NAT1: variants seen among roughly 807,000 people sequenced by gnomAD.
The protein encoded by NAT1 is arylamine N-acetyltransferase 1.
For synonymous variants in NAT1, 144 were observed against 122.6 expected (o/e 1.17, Z -1.16); for missense variants, 400 against 339.2 (o/e 1.18, Z -1.41).
rs1306084243 is a variant in NAT1 at position 18,192,137 on chromosome 8, T to G, written n.93-17644T>G. On this transcript the variant is annotated intron_variant and non_coding_transcript_variant, in intron 2 of 4. Transcript: ENST00000517441. ...GAATCTACAATGAACTCAAACAAAT[T>G]TACAAGAAAAAAACAAACAACCCCA... 2.0e-5 allele frequency among the ~76,000 whole-genome samples: 3 copies of G among 150,954 alleles called. No individual in the cohort carries two copies. The East Asian group carries it at 5.8e-4, about 29-fold the overall frequency.
At chr8:18,207,473 G>C (rs1032426802), upstream of NAT1, among the ~76,000 whole-genome samples, 1 of 152,066 alleles carries the variant, frequency 6.6e-6, no homozygotes, top group Non-Finnish European at 1.5e-5. Context: ...AATTACTTTG[G>C]GCAGTATGGC....
Position 18,222,906 on chromosome 8 carries a change from T to G in NAT1, c.859T>G (p.Phe287Val), listed in dbSNP as rs759361275. ...GCTTGTGCCCAAACATGGTGATAGA[T>G]TTTTTACTATTTAGAATAAGGAGTA... ...RKLVPKHGDR[F>V]FTI is the part of the protein sequence containing the mutation. The change falls in exon 3 of 3, where the codon TTT becomes GTT. Residue 287 changes from phenylalanine (F) to valine (V), a missense_variant. Physicochemically the swap from Phe to Val is conservative, Grantham distance 50. Coordinates refer to ENST00000307719, the MANE Select transcript of NAT1 (RefSeq NM_000662.8). 1.5e-5 allele frequency: 24 copies of G among 1,551,772 alleles called. No homozygotes were observed. Among genetic ancestry groups the G allele is most frequent in the Admixed American group, 2.1e-5 (1 of 48,038 alleles).
At chr8:18,178,071 C>T (rs1302535036) in intron 2 of NAT1, among the ~76,000 whole-genome samples, 1 of 152,064 alleles carries the variant, frequency 6.6e-6, no homozygotes, top group Non-Finnish European at 1.5e-5. Context: ...TATTAGGTCA[C>T]ATGATTGGAG....
chr8:18,176,274 A>G (rs1168444696), intron 2 of NAT1, among the ~76,000 whole-genome samples: 1 of 152,056 alleles, frequency 6.6e-6, no homozygotes, highest in Non-Finnish European at 1.5e-5. Context: ...TGTCCAAGAA[A>G]TCTTGCCCAC....
At chr8:18,170,772 G>T (rs1365686161) in intron 2 of NAT1, 3 of 152,154 alleles carry the variant, frequency 2.0e-5, no homozygotes, top group Admixed American at 2.0e-4. Context: ...TGAGCCCAGG[G>T]ATCTCTTTTC....
chr8:18,173,120 G>C (rs1802158843), intron 2 of NAT1, among the ~76,000 whole-genome samples: 1 of 150,324 alleles, frequency 6.7e-6, no homozygotes, highest in African/African-American at 2.5e-5. Context: ...GCTGTGACCT[G>C]TTAGAGCACA....
intron 2 of NAT1, among the ~76,000 whole-genome samples, chr8:18,190,668 G>A (rs1323643835): frequency 6.6e-6 from 1 of 152,172 alleles, no homozygotes; most frequent in Non-Finnish European, 1.5e-5. Flanking sequence ...ACTGATGCAG[G>A]AGGCCAGTTT....
At chr8:18,221,297 T>C (rs77167559) in intron 2 of NAT1, among the ~76,000 whole-genome samples, 1 of 139,564 alleles carries the variant, frequency 7.2e-6, no homozygotes, top group Admixed American at 7.0e-5. Context: ...TTAGCGAGTG[T>C]TTTTTTTTTG....
chr8:18,207,092 C>A (rs1803756454), upstream of NAT1, among the ~76,000 whole-genome samples: 1 of 152,270 alleles, frequency 6.6e-6, no homozygotes. Flanking sequence ...CTGTGTATGG[C>A]TAGCCAGTTC....
chr8:18,190,312 G>A (rs145810612), intron 2 of NAT1, among the ~76,000 whole-genome samples: 1 of 152,186 alleles, frequency 6.6e-6, no homozygotes, highest in Non-Finnish European at 1.5e-5. Context: ...TCCTTGGGCT[G>A]TATGTCTCAT....
chr8:18,222,613 T>C lies in NAT1; in HGVS notation c.566T>C (p.Ile189Thr). ...CTAGAAGACAGCAAATACCGAAAAA[T>C]CTACTCCTTTACTCTTAAGCCTCGA... Reference protein sequence around the residue: ...DLLEDSKYRKIYSFTLKPRTI... With the variant: ...DLLEDSKYRKTYSFTLKPRTI... The change falls in exon 3 of 3, where the codon ATC becomes ACC. Residue 189 changes from isoleucine to threonine, a missense_variant. Coordinates refer to ENST00000307719, the MANE Select transcript of NAT1 (RefSeq NM_000662.8). 6.2e-7 allele frequency: 1 copy of C among 1,613,182 alleles called. No individual in the cohort carries two copies. Among genetic ancestry groups the C allele is most frequent in the Admixed American group, 1.7e-5 (1 of 59,836 alleles).
intron 2 of NAT1, among the ~76,000 whole-genome samples, chr8:18,193,937 G>A (rs917041344): frequency 3.3e-5 from 5 of 151,918 alleles, no homozygotes; most frequent in Admixed American, 6.6e-5. Context: ...CACCACACCC[G>A]GCCTAAACCT....
chr8:18,186,423 T>A (rs1802737932), intron 2 of NAT1, among the ~76,000 whole-genome samples: 1 of 152,184 alleles, frequency 6.6e-6, no homozygotes, highest in Non-Finnish European at 1.5e-5. Context: ...CTTTTTTTCT[T>A]GTTGTTGTTA....
chr8:18,177,402 A>T (rs4921873), intron 2 of NAT1, among the ~76,000 whole-genome samples: 1 of 151,872 alleles, frequency 6.6e-6, no homozygotes, highest in South Asian at 2.1e-4. Context: ...CTAAGTCCTA[A>T]AATTTTGTGT....
intron 2 of NAT1, among the ~76,000 whole-genome samples, chr8:18,194,876 T>G (rs1478475719): frequency 6.6e-6 from 1 of 151,840 alleles, no homozygotes; most frequent in Non-Finnish European, 1.5e-5. Context: ...ATGTTTCTCT[T>G]GTTGGATTCA....
At chr8:18,183,313 G>A (rs1802595236) in intron 2 of NAT1, among the ~76,000 whole-genome samples, 1 of 152,166 alleles carries the variant, frequency 6.6e-6, no homozygotes, top group South Asian at 2.1e-4. Flanking sequence ...CATCAGTTGG[G>A]GAAGGGGACA....
At chr8:18,182,675 G>A (rs550080686) in intron 2 of NAT1, among the ~76,000 whole-genome samples, 23 of 152,232 alleles carry the variant, frequency 1.5e-4, no homozygotes, top group Middle Eastern at 6.8e-3. Context: ...TTCTAGCAGA[G>A]TAATTCTCCC....
chr8:18,221,622 C>T (rs1043123392), intron 2 of NAT1, among the ~76,000 whole-genome samples: 1 of 152,094 alleles, frequency 6.6e-6, no homozygotes, highest in African/African-American at 2.4e-5. Flanking sequence ...GTATAAGGCT[C>T]AGCTAAAAGG....
chr8:18,182,235 G>T (rs1802550406), intron 2 of NAT1, among the ~76,000 whole-genome samples: 1 of 152,118 alleles, frequency 6.6e-6, no homozygotes, highest in Non-Finnish European at 1.5e-5. Context: ...TGTTCCTGTG[G>T]GGGGTGATTG....
Sources: allele counts gnomAD v4.1 joint callset (sites outside exome capture counted in the v4.1 genomes callset), GRCh38; gene constraint gnomAD v4.1.1; transcripts MANE v1.5; gene names NCBI Gene and HGNC (gene_info 2026-07-23, HGNC 2026-07-21).